Variants in KIAA1217 observed in about 807,000 individuals in gnomAD.
The protein encoded by KIAA1217 is KIAA1217, also known as sickle tail protein homolog.
Under a neutral mutation model 163.9 loss-of-function variants are expected in KIAA1217, and 88 were observed. The ratio of observed to expected loss-of-function variants is 0.54; its 90% CI spans 0.45 to 0.64. The LOEUF (loss-of-function observed/expected upper bound fraction) is 0.64. Among genes scored for constraint, KIAA1217 ranks in the 30% least tolerant of loss-of-function variants. The pLI is 0.00. For synonymous variants in KIAA1217, 903 were observed against 923.1 expected, an observed-to-expected ratio of 0.98 and a Z score of 0.39; for missense variants, 2,372 against 2,475.0, an observed-to-expected ratio of 0.96 and a Z score of 0.88.
intron 1 of KIAA1217, among the ~76,000 whole-genome samples, chr10:23,920,549 C>G (rs148587348): frequency 3.9e-5 from 6 of 152,282 alleles, no homozygotes; most frequent in Admixed American, 1.3e-4. Context: ...GATTAGATAC[C>G]AAGCTTATAA....
At chr10:23,809,605 C>T (rs1193465632) in intron 1 of KIAA1217, among the ~76,000 whole-genome samples, 1 of 151,864 alleles carries the variant, frequency 6.6e-6, no homozygotes, top group Non-Finnish European at 1.5e-5. Flanking sequence ...TTTAAACATA[C>T]CTTGTAAAAG....
In KIAA1217 at chr10:23,827,539, T is replaced by A. The variant is rs146132939; in HGVS notation, c.-321+132305T>A. Among the ~76,000 whole-genome samples, 12 of 152,324 alleles carry A rather than the reference T, an allele frequency of 7.9e-5. No homozygotes were observed. In the East Asian group the frequency reaches 2.3e-3, roughly 29 times the overall value. ...TTTAACAGCAAACATTTATTGAGCA[T>A]CTACTATGCCTCAGGCACTGTACTG... is the stretch of plus-strand genomic sequence containing the variant. On this transcript the variant is annotated intron_variant, in intron 1 of 18. Transcript: ENST00000376462.
intron 2 of KIAA1217, among the ~76,000 whole-genome samples, chr10:24,322,687 G>A (rs2044329083): frequency 6.6e-6 from 1 of 152,078 alleles, no homozygotes; most frequent in Non-Finnish European, 1.5e-5. Flanking sequence ...ACCCAGAGTG[G>A]GTAGACGTCT....
chr10:24,441,096 T>C (rs562986282), intron 5 of KIAA1217, among the ~76,000 whole-genome samples: 4 of 152,170 alleles, frequency 2.6e-5, no homozygotes, highest in Non-Finnish European at 5.9e-5. Context: ...GCATCAATTG[T>C]TGTAGACTAA....
intron 2 of KIAA1217, among the ~76,000 whole-genome samples, chr10:24,028,061 C>T (rs886360387): frequency 1.3e-5 from 2 of 152,082 alleles, no homozygotes; most frequent in Non-Finnish European, 2.9e-5. Flanking sequence ...ATATCATAAA[C>T]ATATATTTGC....
rs114325245 is a variant in KIAA1217 at position 24,248,059 on chromosome 10, G to C, written c.354+28150G>C. On this transcript the variant is annotated intron_variant, in intron 2 of 20. Coordinates refer to ENST00000376454, the MANE Select transcript of KIAA1217 (RefSeq NM_019590.5). Reference sequence around the variant, plus strand: ...ACCTTCATCTCACACACCTACGCAGGAGTGCATTTGTGCTTTGATGTGGTT... The same window carrying C: ...ACCTTCATCTCACACACCTACGCAGCAGTGCATTTGTGCTTTGATGTGGTT... Among the ~76,000 whole-genome samples, 423 of 152,316 alleles carry C rather than the reference G, an allele frequency of 2.8e-3. 5 individuals are homozygous for C. In the East Asian group the frequency reaches 0.054, roughly 19 times the overall value.
chr10:23,833,006 G>A (rs764103526), intron 1 of KIAA1217, among the ~76,000 whole-genome samples: 6 of 151,880 alleles, frequency 4.0e-5, no homozygotes, highest in Non-Finnish European at 5.9e-5. Context: ...CCTCCCACCC[G>A]GTCCCTCCCA....
intron 2 of KIAA1217, among the ~76,000 whole-genome samples, chr10:24,243,659 T>TACAC (rs5783883): frequency 6.6e-6 from 1 of 151,088 alleles, no homozygotes; most frequent in Non-Finnish European, 1.5e-5. Context: ...TATATATATA[T>TACAC]ACACATCTAT....
intron 9 of KIAA1217, among the ~76,000 whole-genome samples, chr10:24,503,347 G>A (rs1332997061): frequency 6.6e-6 from 1 of 152,214 alleles, no homozygotes; most frequent in Non-Finnish European, 1.5e-5. Flanking sequence ...AAATCTCCTA[G>A]TGAATCTCAT....
chr10:23,819,429 A>G (rs2366591), intron 1 of KIAA1217, among the ~76,000 whole-genome samples: 36,941 of 152,014 alleles, frequency 0.24, 4,879 homozygotes, highest in African/African-American at 0.33. Flanking sequence ...AGGGAAAGAT[A>G]TGGAGCAGTG....
intron 9 of KIAA1217, among the ~76,000 whole-genome samples, chr10:24,504,124 G>A (rs1212750403): frequency 2.0e-5 from 3 of 152,256 alleles, no homozygotes; most frequent in South Asian, 4.2e-4. Context: ...CACTTGTCTC[G>A]CCTTGCAACC....
intron 3 of KIAA1217, among the ~76,000 whole-genome samples, chr10:24,403,783 A>T (rs1243214489): frequency 6.6e-6 from 1 of 152,218 alleles, no homozygotes; most frequent in Non-Finnish European, 1.5e-5. Flanking sequence ...AGAAAAATGC[A>T]AATTAAAACC....
intron 1 of KIAA1217, among the ~76,000 whole-genome samples, chr10:23,881,428 A>ATATT (rs1245185817): frequency 6.6e-6 from 1 of 151,980 alleles, no homozygotes; most frequent in Non-Finnish European, 1.5e-5. Flanking sequence ...CACTTTTTAA[A>ATATT]TATTTATGCT....
intron 2 of KIAA1217, among the ~76,000 whole-genome samples, chr10:24,110,554 G>A (rs2062807328): frequency 6.6e-6 from 1 of 150,664 alleles, no homozygotes; most frequent in Admixed American, 6.6e-5. Context: ...ATCCTGCCCA[G>A]TAATTTCTTT....
intron 1 of KIAA1217, among the ~76,000 whole-genome samples, chr10:23,933,323 G>C (rs1257109144): frequency 6.6e-6 from 1 of 152,172 alleles, no homozygotes; most frequent in Non-Finnish European, 1.5e-5. Context: ...GTTAGTTTCT[G>C]AGATGACTGT....
At chr10:23,718,126 T>C (rs1837675050) in intron 1 of KIAA1217, among the ~76,000 whole-genome samples, 1 of 152,194 alleles carries the variant, frequency 6.6e-6, no homozygotes, top group Admixed American at 6.5e-5. Context: ...TATTGCGGTT[T>C]TTGCCAGTTC....
rs200437343 is a variant in KIAA1217, at chr10:23,993,553, C to CTTTTTTT, written c.-320-13658_-320-13652dup. Reference sequence around the variant, plus strand: ...AAGAGTTTGGCTCTCCATAGCCCAGCTTTTTTTTTTTTTTTTTTTTGAGAC... The same window carrying CTTTTTTT: ...AAGAGTTTGGCTCTCCATAGCCCAGCTTTTTTTTTTTTTTTTTTTTTTTTTTTGAGAC... On this transcript the variant is annotated intron_variant, in intron 1 of 18. Transcript: ENST00000376462. Among the ~76,000 whole-genome samples, 39 of 68,936 alleles carry CTTTTTTT rather than the reference C, an allele frequency of 5.7e-4. 11 individuals carry two copies. The highest frequency in any genetic ancestry group is 2.0e-3 in the African/African-American group (24 of 11,980). 45.2% of individuals were successfully genotyped at this position (68,936 alleles called of 152,430 possible).
At chr10:23,792,727 C>T (rs1040595650) in intron 1 of KIAA1217, among the ~76,000 whole-genome samples, 4 of 151,310 alleles carry the variant, frequency 2.6e-5, no homozygotes, top group Non-Finnish European at 4.4e-5. Context: ...TGGTCTCGAT[C>T]TCCTGACCTT....
Position 24,019,861 on chromosome 10 carries a change from G to T in KIAA1217, c.-171+12487G>T, listed in dbSNP as rs139024878. Among the ~76,000 whole-genome samples the T allele has an allele frequency of 4.2e-3, 631 of 152,010 alleles. 6 individuals carry two copies. Among genetic ancestry groups the T allele is most frequent in the African/African-American group, 0.014 (584 of 41,514 alleles). Reference sequence around the variant, plus strand: ...TAAAACAACTCTAAAAAGAAAAAAAGAAAAAGTACAATAATGGCTGAGAAT... The same window carrying T: ...TAAAACAACTCTAAAAAGAAAAAAATAAAAAGTACAATAATGGCTGAGAAT... On this transcript the variant is annotated intron_variant, in intron 2 of 18. Coordinates refer to the KIAA1217 transcript ENST00000376462.
Sources: gnomAD v4.1 joint callset for allele counts (sites outside exome capture counted in the v4.1 genomes callset) on GRCh38, gnomAD v4.1.1 for gene constraint, MANE v1.5 for transcripts, NCBI Gene and HGNC (gene_info 2026-07-23, HGNC 2026-07-21) for gene names.